Variants in PDE1A observed in about 807,000 individuals in gnomAD.
The protein encoded by PDE1A is phosphodiesterase 1A.
A neutral mutation model predicts 61.7 loss-of-function variants in PDE1A; 35 were observed. The ratio of observed to expected loss-of-function variants is 0.57; its 90% CI spans 0.43 to 0.75. The LOEUF is 0.75. Among genes scored for constraint, PDE1A ranks in the 30% least tolerant of loss-of-function variants. PDE1A has a pLI of 0.00. For synonymous variants in PDE1A, 232 were observed against 213.2 expected (o/e 1.09, Z -0.77); for missense variants, 597 against 630.6 (o/e 0.95, Z 0.57).
chr2:182,510,826 C>G (rs1314129585), intron 2 of PDE1A, among the ~76,000 whole-genome samples: 1 of 152,098 alleles, frequency 6.6e-6, no homozygotes, highest in Non-Finnish European at 1.5e-5. Flanking sequence ...CCTTATATAC[C>G]CTAGTTCCTG....
chr2:182,687,779 GA>G, the PDE1A span, among the ~76,000 whole-genome samples: 1 of 152,096 alleles, frequency 6.6e-6, no homozygotes, highest in South Asian at 2.1e-4. Flanking sequence ...TAAAAACCTT[GA>G]AAAAAGATTA....
the PDE1A span, among the ~76,000 whole-genome samples, chr2:182,685,008 G>C: frequency 6.6e-6 from 1 of 151,480 alleles, no homozygotes; most frequent in Non-Finnish European, 1.5e-5. Context: ...TGCCTTGCAT[G>C]ATGCAAGCTT....
At chr2:182,640,169 G>A in the PDE1A span, among the ~76,000 whole-genome samples, 1 of 152,218 alleles carries the variant, frequency 6.6e-6, no homozygotes, top group Non-Finnish European at 1.5e-5. Flanking sequence ...TTATTCAAGT[G>A]TGAAGGTTGT....
the PDE1A span, among the ~76,000 whole-genome samples, chr2:182,658,066 A>AAAC: frequency 2.8e-5 from 3 of 106,362 alleles, no homozygotes; most frequent in Admixed American, 1.8e-4. Flanking sequence ...AAAAAAAAAA[A>AAAC]AAAAAACAAA....
At chr2:182,156,728 G>GAT (rs1691101766) in intron 13 of PDE1A, among the ~76,000 whole-genome samples, 1 of 152,074 alleles carries the variant, frequency 6.6e-6, no homozygotes, top group African/African-American at 2.4e-5. Flanking sequence ...AAAACCAGCA[G>GAT]TAGAAGATAA....
chr2:182,493,618 A>T (rs1057433635), intron 2 of PDE1A, among the ~76,000 whole-genome samples: 21 of 152,226 alleles, frequency 1.4e-4, no homozygotes, highest in Admixed American at 1.3e-3. Context: ...ATAAAGACAC[A>T]TGCACAAGTA....
chr2:182,423,946 C>T (rs560134650), intron 1 of PDE1A, among the ~76,000 whole-genome samples: 1 of 144,678 alleles, frequency 6.9e-6, no homozygotes, highest in Non-Finnish European at 1.5e-5. Flanking sequence ...CCTGGATTAA[C>T]CTTTTTTTTT....
chr2:182,165,358 CTG>C (rs1381255081), downstream of PDE1A, among the ~76,000 whole-genome samples: 1 of 152,162 alleles, frequency 6.6e-6, no homozygotes, highest in Non-Finnish European at 1.5e-5. Flanking sequence ...GGAATTAAAA[CTG>C]TGACCCGGCT....
chr2:182,268,751 C>T (rs1391869430), intron 1 of PDE1A, among the ~76,000 whole-genome samples: 1 of 152,058 alleles, frequency 6.6e-6, no homozygotes, highest in African/African-American at 2.4e-5. Context: ...TGTTTGGTTA[C>T]CAGGCGTATC....
chr2:182,494,669 T>A (rs961724310), intron 2 of PDE1A, among the ~76,000 whole-genome samples: 1 of 152,108 alleles, frequency 6.6e-6, no homozygotes. Flanking sequence ...CAACGACCAA[T>A]GTAATAATCA....
the PDE1A span, among the ~76,000 whole-genome samples, chr2:182,626,223 T>C: frequency 6.6e-6 from 1 of 152,180 alleles, no homozygotes; most frequent in Non-Finnish European, 1.5e-5. Flanking sequence ...TATCTTCAGC[T>C]CACTTTGAAA....
chr2:182,578,233 T>C, the PDE1A span, among the ~76,000 whole-genome samples: 1 of 152,092 alleles, frequency 6.6e-6, no homozygotes, highest in Non-Finnish European at 1.5e-5. Context: ...GAAGCAAATT[T>C]AAGGGTCCTC....
intron 2 of PDE1A, among the ~76,000 whole-genome samples, chr2:182,263,857 C>A (rs569477475): frequency 6.6e-6 from 1 of 152,150 alleles, no homozygotes; most frequent in South Asian, 2.1e-4. Context: ...TTAGCAATCC[C>A]TGCATAGAGG....
chr2:182,156,490 T>C, intron 13 of PDE1A, among the ~76,000 whole-genome samples: 1 of 152,094 alleles, frequency 6.6e-6, no homozygotes, highest in East Asian at 1.9e-4. Context: ...GGAAAGTATC[T>C]ATTGATTGGA....
intron 1 of PDE1A, among the ~76,000 whole-genome samples, chr2:182,329,625 A>C (rs1488781830): frequency 2.6e-5 from 4 of 152,168 alleles, no homozygotes. Context: ...TCTTGACATC[A>C]GGTGATCCAC....
chr2:182,502,205 TTC>T (rs1247562541), intron 2 of PDE1A, among the ~76,000 whole-genome samples: 1 of 152,196 alleles, frequency 6.6e-6, no homozygotes, highest in Non-Finnish European at 1.5e-5. Flanking sequence ...TTCCCAAACA[TTC>T]TGTCTTCCCT....
intron 1 of PDE1A, among the ~76,000 whole-genome samples, chr2:182,307,856 G>GAAAAAA (rs1376431012): frequency 6.6e-6 from 1 of 152,002 alleles, no homozygotes; most frequent in African/African-American, 2.4e-5. Context: ...ACTGTCTAAA[G>GAAAAAA]ACAAAAACAA....
At chr2:182,183,578 A>G (rs1684948247) in intron 13 of PDE1A, among the ~76,000 whole-genome samples, 1 of 152,144 alleles carries the variant, frequency 6.6e-6, no homozygotes, top group South Asian at 2.1e-4. Flanking sequence ...TTGTCAGCCT[A>G]GGGTTGGGGT....
intron 2 of PDE1A, among the ~76,000 whole-genome samples, chr2:182,262,276 T>C (rs1259043037): frequency 2.6e-5 from 4 of 152,008 alleles, no homozygotes; most frequent in African/African-American, 2.4e-5. Context: ...CTTTTATTCA[T>C]TTATCTATTG....
Sources: allele counts gnomAD v4.1 joint callset (sites outside exome capture counted in the v4.1 genomes callset), GRCh38; gene constraint gnomAD v4.1.1; transcripts MANE v1.5; gene names NCBI Gene and HGNC (gene_info 2026-07-23, HGNC 2026-07-21).